The following SULF1 variants were observed in gnomAD, a reference collection of about 807,000 sequenced individuals.
SULF1 encodes the protein extracellular sulfatase Sulf-1.
Under a neutral mutation model 110.5 loss-of-function variants are expected in SULF1, and 46 were observed. The ratio of observed to expected loss-of-function variants is 0.42; its 90% CI spans 0.33 to 0.53. SULF1 has a LOEUF of 0.53. Ranked by LOEUF, SULF1 falls within the 20% of genes least tolerant of loss-of-function variation. The pLI is 0.12. For synonymous variants in SULF1, 371 were observed against 387.1 expected (o/e 0.96, Z 0.49); for missense variants, 941 against 1,094.2 (o/e 0.86, Z 1.98).
At chr8:69,541,381 C>G (rs1437634226) in intron 3 of SULF1, among the ~76,000 whole-genome samples, 1 of 152,170 alleles carries the variant, frequency 6.6e-6, no homozygotes, top group African/African-American at 2.4e-5. Flanking sequence ...CATGAAAGAG[C>G]ATCTAACTCC....
chr8:69,492,147 C>T (rs1198568311), upstream of SULF1, among the ~76,000 whole-genome samples: 3 of 151,824 alleles, frequency 2.0e-5, no homozygotes, highest in Non-Finnish European at 4.4e-5. Flanking sequence ...TGTTGGGAAG[C>T]AGTGGCAGGC....
intron 3 of SULF1, among the ~76,000 whole-genome samples, chr8:69,522,985 G>A (rs1030850579): frequency 3.3e-5 from 5 of 152,192 alleles, no homozygotes; most frequent in African/African-American, 1.2e-4. Context: ...AAGGACAGTA[G>A]CTGATAAGAG....
chr8:69,616,143 C>T (rs1259035793), intron 13 of SULF1, among the ~76,000 whole-genome samples: 3 of 138,114 alleles, frequency 2.2e-5, no homozygotes, highest in Non-Finnish European at 1.6e-5. Context: ...TATATACACA[C>T]ATATATGTGT....
intron 1 of SULF1, among the ~76,000 whole-genome samples, chr8:69,495,144 G>T (rs948743812): frequency 6.6e-6 from 1 of 152,166 alleles, no homozygotes; most frequent in Non-Finnish European, 1.5e-5. Flanking sequence ...AATTGAGTTA[G>T]TTGGAGTAAT....
At chr8:69,579,005 G>GA (rs1165181195) in intron 6 of SULF1, among the ~76,000 whole-genome samples, 2 of 151,512 alleles carry the variant, frequency 1.3e-5, no homozygotes, top group Non-Finnish European at 2.9e-5. Context: ...ACTAAAAATA[G>GA]AAAAAATTAG....
intron 1 of SULF1, chr8:69,467,147 T>C (rs971730446): frequency 6.6e-6 from 1 of 152,218 alleles, no homozygotes; most frequent in Non-Finnish European, 1.5e-5. Flanking sequence ...CATGCCTTGC[T>C]TTTGAAGGTG....
At chr8:69,511,415 G>C (rs924279853) in intron 3 of SULF1, among the ~76,000 whole-genome samples, 5 of 152,094 alleles carry the variant, frequency 3.3e-5, no homozygotes, top group Admixed American at 2.0e-4. Context: ...AAGATTCAGT[G>C]GGTCCAGATT....
At chr8:69,571,970 C>T (rs1805264776) in intron 5 of SULF1, among the ~76,000 whole-genome samples, 1 of 152,106 alleles carries the variant, frequency 6.6e-6, no homozygotes, top group African/African-American at 2.4e-5. Context: ...TCAGAGGCAA[C>T]AATTAACGCC....
upstream of SULF1, among the ~76,000 whole-genome samples, chr8:69,491,857 G>A (rs1261521226): frequency 6.6e-6 from 1 of 152,148 alleles, no homozygotes; most frequent in East Asian, 1.9e-4. Flanking sequence ...CATGCGGAAT[G>A]ACAACAGAGA....
chr8:69,596,889 A>G (rs2130356538), intron 8 of SULF1, among the ~76,000 whole-genome samples: 1 of 152,300 alleles, frequency 6.6e-6, no homozygotes, highest in East Asian at 1.9e-4. Flanking sequence ...GAGCCACAGA[A>G]ATCTCTTAAC....
chr8:69,576,455 G>T (rs1217755141), intron 6 of SULF1, among the ~76,000 whole-genome samples: 2 of 152,264 alleles, frequency 1.3e-5, no homozygotes, highest in East Asian at 1.9e-4. Flanking sequence ...TCATGTATTT[G>T]TTCATTCATA....
intron 21 of SULF1, among the ~76,000 whole-genome samples, chr8:69,639,347 G>A (rs752556730): frequency 1.8e-4 from 28 of 152,166 alleles, no homozygotes; most frequent in East Asian, 5.8e-4. Context: ...AGTATTTTTC[G>A]TCTGAAACTA....
intron 13 of SULF1, among the ~76,000 whole-genome samples, chr8:69,618,046 A>T (rs1030735949): frequency 6.6e-6 from 1 of 152,216 alleles, no homozygotes; most frequent in African/African-American, 2.4e-5. Context: ...AATGTAAAGC[A>T]GTGGCCTGAA....
intron 3 of SULF1, among the ~76,000 whole-genome samples, chr8:69,545,605 T>C (rs1329850031): frequency 6.6e-6 from 1 of 152,156 alleles, no homozygotes; most frequent in Non-Finnish European, 1.5e-5. Context: ...AGTCATGACA[T>C]GTGACAAATG....
intron 12 of SULF1, 54 bp from the exon 13 acceptor site, chr8:69,604,749 G>A (rs1265798930): frequency 3.7e-6 from 6 of 1,605,800 alleles, no homozygotes; most frequent in Admixed American, 1.7e-5. Context: ...CAGGACTCAG[G>A]GACCGTAATT....
At chr8:69,530,520 T>C (rs1294545301) in intron 3 of SULF1, among the ~76,000 whole-genome samples, 5 of 152,212 alleles carry the variant, frequency 3.3e-5, no homozygotes, top group African/African-American at 1.2e-4. Context: ...AACTTGCTTT[T>C]GTTACTTGGT....
chr8:69,477,317 C>T (rs1809341165), intron 1 of SULF1, among the ~76,000 whole-genome samples: 1 of 152,146 alleles, frequency 6.6e-6, no homozygotes, highest in Non-Finnish European at 1.5e-5. Flanking sequence ...AATTGTTATT[C>T]TCATTAGCCT....
chr8:69,604,750 G>T (rs968231349), intron 12 of SULF1, 53 bp from the exon 13 acceptor site: 7 of 1,605,604 alleles, frequency 4.4e-6, no homozygotes, highest in Non-Finnish European at 5.9e-6. Context: ...AGGACTCAGG[G>T]ACCGTAATTC....
chr8:69,516,817 G>T (rs1811955381), intron 3 of SULF1, among the ~76,000 whole-genome samples: 1 of 151,930 alleles, frequency 6.6e-6, no homozygotes, highest in Non-Finnish European at 1.5e-5. Context: ...ATATTACCTA[G>T]TAATATTATC....
Sources: allele counts gnomAD v4.1 joint callset (sites outside exome capture counted in the v4.1 genomes callset), GRCh38; gene constraint gnomAD v4.1.1; transcripts MANE v1.5; gene names NCBI Gene and HGNC (gene_info 2026-07-23, HGNC 2026-07-21).